The following CSMD2 variants were observed in gnomAD, a reference collection of about 807,000 sequenced individuals.
The protein encoded by CSMD2 is CUB and Sushi multiple domains 2.
A neutral mutation model predicts 398.5 loss-of-function variants in CSMD2; 130 were observed. That is an observed-to-expected ratio of 0.33 (90% CI 0.28 to 0.38). The LOEUF (loss-of-function observed/expected upper bound fraction) is 0.38, where lower values mean the gene tolerates loss of function less well. CSMD2 is among the 10% of genes least tolerant of loss of function. The probability of loss-of-function intolerance (pLI) is 1.00; values close to 1 mark genes in which losing one functional copy is unlikely to be tolerated. For missense variants in CSMD2, 3,829 were observed against 4,764.9 expected (o/e 0.80, Z 5.78); for synonymous variants, 1,828 against 1,908.5 (o/e 0.96, Z 1.10).
At chr1:34,101,915 G>A (rs1659982477) in intron 1 of CSMD2, among the ~76,000 whole-genome samples, 1 of 151,958 alleles carries the variant, frequency 6.6e-6, no homozygotes, top group African/African-American at 2.4e-5. Flanking sequence ...TTGTTAATTT[G>A]TACTAACTCT....
In CSMD2 at chr1:33,836,884, C is replaced by T. The variant is rs565073753; in HGVS notation, c.1033+10000G>A. On this transcript the variant is annotated intron_variant, in intron 6 of 70. Transcript: ENST00000373381. ...CATCCACTGTCCTGCACCCACTCTC[C>T]GACAATCCCCAGTGAGATGCATCCA... is the stretch of plus-strand genomic sequence containing the variant. 1.4e-4 allele frequency among the ~76,000 whole-genome samples: 22 copies of T among 152,294 alleles called. No individual in the cohort carries two copies. In the Middle Eastern group the frequency reaches 0.01, roughly 71 times the overall value.
chr1:34,016,805 CAGAT>C (rs67481108), intron 3 of CSMD2, among the ~76,000 whole-genome samples: 31,265 of 151,818 alleles, frequency 0.21, 3,868 homozygotes, highest in East Asian at 0.57. Flanking sequence ...GATAGATAGA[CAGAT>C]AGAATGATTG....
intron 13 of CSMD2, among the ~76,000 whole-genome samples, chr1:33,756,523 A>T (rs1649043659): frequency 6.6e-6 from 1 of 152,232 alleles, no homozygotes; most frequent in African/African-American, 2.4e-5. Flanking sequence ...GTCTGATGAT[A>T]AGGAACCAAT....
At position 34,006,912 on chromosome 1, in the gene CSMD2, G is replaced by C. The variant is rs12135227; in HGVS notation, c.517+25682C>G. 4.1e-3 allele frequency among the ~76,000 whole-genome samples: 616 copies of C among 152,098 alleles called. 4 individuals are homozygous for C. Among genetic ancestry groups the C allele is most frequent in the Non-Finnish European group, 5.9e-3 (400 of 68,000 alleles). On this transcript the variant is annotated intron_variant, in intron 3 of 70. Transcript: ENST00000373381. The stretch of plus-strand genomic sequence containing the variant: ...GTGTCCCCCAGGGATTCCACTGCCA[G>C]ACTCTCTCAGGCATGGAAACTGTGA...
chr1:33,720,197 T>C (rs948433512), intron 19 of CSMD2, among the ~76,000 whole-genome samples: 4 of 152,218 alleles, frequency 2.6e-5, no homozygotes, highest in African/African-American at 9.6e-5. Context: ...CACCAAATGC[T>C]TCTTGAGTTC....
chr1:33,985,649 C>T (rs1646334242), intron 3 of CSMD2, among the ~76,000 whole-genome samples: 1 of 152,180 alleles, frequency 6.6e-6, no homozygotes, highest in African/African-American at 2.4e-5. Context: ...AAAAAAGGGA[C>T]ACTCAATACT....
intron 6 of CSMD2, chr1:33,839,190 G>A (rs1660600425): frequency 6.6e-6 from 1 of 152,234 alleles, no homozygotes. Flanking sequence ...CATATGAGAA[G>A]TCCAGAAAGG....
At chr1:34,002,687 T>C (rs1005501540) in intron 3 of CSMD2, among the ~76,000 whole-genome samples, 2 of 152,204 alleles carry the variant, frequency 1.3e-5, no homozygotes, top group African/African-American at 4.8e-5. Flanking sequence ...TGGGGAGCCA[T>C]TGCTGATTGT....
rs1469042543 is a variant in CSMD2, at chr1:33,681,332, A to C, written c.4052+11598T>G. On this transcript the variant is annotated intron_variant, in intron 25 of 70. Transcript: ENST00000373381. Reference sequence around the variant, plus strand: ...AAGTACACATTTTATTTTAAATTCTATGGGTGGTTTTCTTTAAGCATTTTC... The same window carrying C: ...AAGTACACATTTTATTTTAAATTCTCTGGGTGGTTTTCTTTAAGCATTTTC... 1.3e-5 allele frequency among the ~76,000 whole-genome samples: 2 copies of C among 152,062 alleles called. 1 individual carries two copies. Among genetic ancestry groups the C allele is most frequent in the South Asian group, 4.1e-4 (2 of 4,830 alleles).
intron 4 of CSMD2, among the ~76,000 whole-genome samples, chr1:33,930,049 T>C (rs1480441658): frequency 3.9e-5 from 6 of 152,242 alleles, no homozygotes; most frequent in Non-Finnish European, 7.3e-5. Flanking sequence ...GCTGCTAGAA[T>C]GTAAACTCCA....
At chr1:34,046,541 AC>A (rs1286980752) in intron 2 of CSMD2, among the ~76,000 whole-genome samples, 17 of 152,118 alleles carry the variant, frequency 1.1e-4, no homozygotes, top group African/African-American at 4.1e-4. Context: ...TGAATAATAG[AC>A]AAATACAGTT....
chr1:34,106,617 C>G (rs988328586), intron 1 of CSMD2, among the ~76,000 whole-genome samples: 1 of 152,122 alleles, frequency 6.6e-6, no homozygotes, highest in African/African-American at 2.4e-5. Flanking sequence ...CCACTCTGCA[C>G]CCAGCACCAG....
intron 25 of CSMD2, among the ~76,000 whole-genome samples, chr1:33,666,904 C>T (rs1028106158): frequency 2.6e-5 from 4 of 152,052 alleles, no homozygotes; most frequent in Non-Finnish European, 4.4e-5. Flanking sequence ...GGGCCACACT[C>T]ATCAGGGAAG....
chr1:33,600,201 A>C lies in CSMD2; in HGVS notation c.6856+664T>G, dbSNP rs1640121755. On this transcript the variant is annotated intron_variant, in intron 44 of 70. Coordinates refer to ENST00000373381, the MANE Select transcript of CSMD2 (RefSeq NM_001281956.2). ...GGCCCAAGGTGGAGCTGGGAGTAAA[A>C]TCCAGCTTTCCTGATTTCTGGTTAA... 5.6e-6 allele frequency: 4 copies of C among 715,390 alleles called. No homozygotes were observed. In the African/African-American group the frequency reaches 7.0e-5, roughly 13 times the overall value. The allele number at this position is 715,390 out of a possible 1,614,324, so 44.3% of individuals were successfully genotyped here.
At chr1:34,101,688 ATCAAATCC>A (rs1659959066) in intron 1 of CSMD2, among the ~76,000 whole-genome samples, 1 of 152,196 alleles carries the variant, frequency 6.6e-6, no homozygotes, top group Middle Eastern at 3.4e-3. Context: ...GAACTAGCTG[ATCAAATCC>A]TCAGCTCATT....
intron 49 of CSMD2, among the ~76,000 whole-genome samples, chr1:33,573,025 A>G (rs1196233668): frequency 2.9e-5 from 4 of 138,114 alleles, no homozygotes; most frequent in Non-Finnish European, 6.3e-5. Context: ...CAAACGAAAG[A>G]GAGAATTTTC....
At chr1:33,934,014 G>A (rs1267471855) in intron 4 of CSMD2, among the ~76,000 whole-genome samples, 1 of 152,152 alleles carries the variant, frequency 6.6e-6, no homozygotes, top group African/African-American at 2.4e-5. Context: ...TGTCTGCCAT[G>A]GGATTGGGAA....
At chr1:33,547,138 T>C (rs978674996) in intron 56 of CSMD2, among the ~76,000 whole-genome samples, 4 of 152,214 alleles carry the variant, frequency 2.6e-5, no homozygotes, top group Non-Finnish European at 5.9e-5. Flanking sequence ...ATTTCATTTT[T>C]GCTTCACCCC....
intron 1 of CSMD2, among the ~76,000 whole-genome samples, chr1:34,091,990 T>C (rs1658622327): frequency 6.6e-6 from 1 of 152,172 alleles, no homozygotes; most frequent in African/African-American, 2.4e-5. Flanking sequence ...GGAGAATTCA[T>C]TATAAAGCTA....
Sources: gnomAD v4.1 joint callset for allele counts (sites outside exome capture counted in the v4.1 genomes callset) on GRCh38, gnomAD v4.1.1 for gene constraint, MANE v1.5 for transcripts, NCBI Gene and HGNC (gene_info 2026-07-23, HGNC 2026-07-21) for gene names.